The following ANK2 variants were observed in gnomAD, a reference collection of about 807,000 sequenced individuals.
ANK2 encodes the protein ankyrin-2.
ANK2 carries 83 observed loss-of-function variants against 360.5 expected under a neutral mutation model. The observed-to-expected ratio is 0.23, with a 90% CI of 0.19 to 0.28. The LOEUF (loss-of-function observed/expected upper bound fraction) is 0.28, where lower values mean the gene tolerates loss of function less well. Ranked by LOEUF, ANK2 falls within the 10% of genes least tolerant of loss-of-function variation. The probability of loss-of-function intolerance (pLI) is 1.00; values close to 1 mark genes in which losing one functional copy is unlikely to be tolerated. For synonymous variants in ANK2, 1,740 were observed against 1,759.5 expected (o/e 0.99, Z 0.28); for missense variants, 4,201 against 4,795.7 (o/e 0.88, Z 3.66).
the ANK2 span, among the ~76,000 whole-genome samples, chr4:112,746,699 C>T: frequency 1.3e-5 from 2 of 151,992 alleles, no homozygotes; most frequent in Admixed American, 6.6e-5. Flanking sequence ...AAAATAGAAA[C>T]AAACAGTTAA....
chr4:113,136,856 A>G (rs76576144), intron 1 of ANK2, among the ~76,000 whole-genome samples: 23,277 of 151,156 alleles, frequency 0.15, 2,870 homozygotes, highest in East Asian at 0.53. Flanking sequence ...TCCCGGGTTC[A>G]AGTGGATTCT....
intron 1 of ANK2, among the ~76,000 whole-genome samples, chr4:112,849,641 A>G (rs1308724648): frequency 6.6e-6 from 1 of 152,194 alleles, no homozygotes; most frequent in Non-Finnish European, 1.5e-5. Flanking sequence ...TAGTTTCCTC[A>G]TTGCTGTCCA....
chr4:113,134,536 A>G (rs548075324), intron 1 of ANK2, among the ~76,000 whole-genome samples: 73 of 152,112 alleles, frequency 4.8e-4, no homozygotes, highest in African/African-American at 1.7e-3. Context: ...AAACTGAACT[A>G]TGTTCTCCTT....
At chr4:113,176,271 G>A (rs2098195398) in intron 2 of ANK2, among the ~76,000 whole-genome samples, 1 of 152,166 alleles carries the variant, frequency 6.6e-6, no homozygotes, top group Admixed American at 6.5e-5. Context: ...GAAGACTTGT[G>A]TCTTCTACTA....
intron 1 of ANK2, among the ~76,000 whole-genome samples, chr4:112,822,229 T>C: frequency 7.2e-6 from 1 of 139,352 alleles, no homozygotes; most frequent in African/African-American, 2.7e-5. Flanking sequence ...CGTGAAACCC[T>C]GTCTCTACTA....
At chr4:113,347,457 C>A (rs1008292982) in intron 35 of ANK2, among the ~76,000 whole-genome samples, 1 of 152,094 alleles carries the variant, frequency 6.6e-6, no homozygotes. Context: ...GGGCAAGCCA[C>A]CTGAGTGTTA....
intron 1 of ANK2, among the ~76,000 whole-genome samples, chr4:112,847,329 T>C (rs1454956356): frequency 6.6e-6 from 1 of 152,250 alleles, no homozygotes. Context: ...TCAGTGGTAT[T>C]GTTACTCAGT....
chr4:112,900,317 T>C (rs2082941364), intron 1 of ANK2, among the ~76,000 whole-genome samples: 1 of 152,214 alleles, frequency 6.6e-6, no homozygotes, highest in Non-Finnish European at 1.5e-5. Flanking sequence ...ATATCTAATA[T>C]CCTTATCTCC....
chr4:113,295,469 G>T (rs1021674913), intron 22 of ANK2, among the ~76,000 whole-genome samples: 7 of 152,106 alleles, frequency 4.6e-5, no homozygotes, highest in Non-Finnish European at 8.8e-5. Flanking sequence ...TACTGTAATT[G>T]CTGTCTCAGT....
At chr4:113,073,261 A>G (rs2078492239) in intron 1 of ANK2, among the ~76,000 whole-genome samples, 1 of 152,048 alleles carries the variant, frequency 6.6e-6, no homozygotes, top group Admixed American at 6.6e-5. Context: ...TGGCTGAGGG[A>G]CAGTGTCTTT....
chr4:112,987,780 T>C (rs2045439009), intron 2 of ANK2, among the ~76,000 whole-genome samples: 1 of 152,108 alleles, frequency 6.6e-6, no homozygotes, highest in African/African-American at 2.4e-5. Context: ...TACTAATATA[T>C]GTATTAGTTC....
the ANK2 span, among the ~76,000 whole-genome samples, chr4:112,743,554 CTTT>C: frequency 9.4e-6 from 1 of 105,878 alleles, no homozygotes; most frequent in Non-Finnish European, 1.8e-5. Flanking sequence ...CTTTTCTATC[CTTT>C]TTTTTTTTTT....
intron 2 of ANK2, among the ~76,000 whole-genome samples, chr4:113,016,515 C>G (rs897464146): frequency 5.9e-5 from 9 of 152,160 alleles, no homozygotes; most frequent in Non-Finnish European, 1.3e-4. Flanking sequence ...ATGCTCTTCT[C>G]TAGGTCTCAC....
intron 1 of ANK2, among the ~76,000 whole-genome samples, chr4:113,143,421 A>G (rs753979801): frequency 1.1e-4 from 16 of 152,228 alleles, no homozygotes; most frequent in Non-Finnish European, 2.2e-4. Flanking sequence ...CTGTGGTTAA[A>G]TATTCCTTTT....
chr4:113,099,219 T>A (rs2092335437), intron 1 of ANK2, among the ~76,000 whole-genome samples: 1 of 151,700 alleles, frequency 6.6e-6, no homozygotes, highest in East Asian at 1.9e-4. Context: ...ACTCTCTTTG[T>A]TCACAGATGG....
chr4:113,302,857 T>A lies in ANK2; in HGVS notation c.2548+18T>A, dbSNP rs200150276. On this transcript the variant is annotated intron_variant, in intron 23 of 45. Transcript: ENST00000357077. Reference sequence around the variant, plus strand: ...TGAAGAGGGTAAGACTTCTATTCAATCTTCTATGACACCTGTCATGTTCTT... The same window carrying A: ...TGAAGAGGGTAAGACTTCTATTCAAACTTCTATGACACCTGTCATGTTCTT... 1.3e-6 allele frequency: 2 copies of A among 1,599,542 alleles called. No individual in the cohort carries two copies. The highest frequency in any genetic ancestry group is 1.7e-6 in the Non-Finnish European group (2 of 1,166,784).
intron 1 of ANK2, among the ~76,000 whole-genome samples, chr4:113,171,646 A>T (rs989533259): frequency 1.3e-5 from 2 of 152,200 alleles, no homozygotes; most frequent in Non-Finnish European, 2.9e-5. Flanking sequence ...TTACATTTCC[A>T]TAGGACCCAG....
intron 1 of ANK2, among the ~76,000 whole-genome samples, chr4:113,057,016 C>CGAACACATGG (rs1481811545): frequency 6.6e-6 from 1 of 152,102 alleles, no homozygotes; most frequent in African/African-American, 2.4e-5. Context: ...GTGTTTCTTC[C>CGAACACATGG]GAACACATGG....
chr4:113,002,456 G>T (rs887403054), intron 2 of ANK2, among the ~76,000 whole-genome samples: 1 of 151,542 alleles, frequency 6.6e-6, no homozygotes, highest in Admixed American at 6.6e-5. Flanking sequence ...GTAAACTATC[G>T]CAAGAACAAA....
Sources: allele counts gnomAD v4.1 joint callset (sites outside exome capture counted in the v4.1 genomes callset), GRCh38; gene constraint gnomAD v4.1.1; transcripts MANE v1.5; gene names NCBI Gene and HGNC (gene_info 2026-07-23, HGNC 2026-07-21).